DCC: variants seen among roughly 807,000 people sequenced by gnomAD.
The protein encoded by DCC is netrin receptor DCC.
Under a neutral mutation model 172.5 loss-of-function variants are expected in DCC, and 58 were observed. That is an observed-to-expected ratio of 0.34 (90% CI 0.27 to 0.42). The LOEUF (loss-of-function observed/expected upper bound fraction) is 0.42, where lower values mean the gene tolerates loss of function less well. Ranked by LOEUF, DCC falls within the 10% of genes least tolerant of loss-of-function variation. The probability of loss-of-function intolerance (pLI) is 1.00; values close to 1 mark genes in which losing one functional copy is unlikely to be tolerated. For missense variants in DCC, 1,740 were observed against 1,791.0 expected (o/e 0.97, Z 0.51); for synonymous variants, 709 against 644.5 (o/e 1.10, Z -1.52).
chr18:53,371,701 T>TGTTAACC (rs2058061548), intron 15 of DCC, among the ~76,000 whole-genome samples: 1 of 152,048 alleles, frequency 6.6e-6, no homozygotes, highest in South Asian at 2.1e-4. Context: ...TTCTATTGAA[T>TGTTAACC]GTTAACCCAA....
At chr18:53,245,855 G>C (rs962084333) in intron 12 of DCC, among the ~76,000 whole-genome samples, 1 of 151,940 alleles carries the variant, frequency 6.6e-6, no homozygotes, top group African/African-American at 2.4e-5. Flanking sequence ...AGTTTTACTT[G>C]TCAGGCTTTC....
At chr18:52,823,389 T>C (rs536381875) in intron 2 of DCC, among the ~76,000 whole-genome samples, 14 of 152,328 alleles carry the variant, frequency 9.2e-5, no homozygotes, top group African/African-American at 3.4e-4. Flanking sequence ...TTACTTCATA[T>C]GATGAAAAGA....
chr18:53,455,263 A>G (rs966797634), intron 23 of DCC, among the ~76,000 whole-genome samples: 1 of 152,232 alleles, frequency 6.6e-6, no homozygotes, highest in African/African-American at 2.4e-5. Flanking sequence ...TCTGCCTAAT[A>G]AAGTTGGGAA....
chr18:53,023,401 C>CAAAAAAAAAAAAAAAAAAA lies in DCC; in HGVS notation c.986-39894_986-39876dup, dbSNP rs869070422. On this transcript the variant is annotated intron_variant, in intron 5 of 28. Transcript: ENST00000442544. ...GGACAAACACATATATAACTCAGACCAAAAAAAAAAAAAAAAAAAAAAAAA... is the reference window on the plus strand; with the variant it reads ...GGACAAACACATATATAACTCAGACCAAAAAAAAAAAAAAAAAAAAAAAAAAAAAAAAAAAAAAAAAAAA... Among the ~76,000 whole-genome samples, 15 of 24,424 alleles carry CAAAAAAAAAAAAAAAAAAA rather than the reference C, an allele frequency of 6.1e-4. 1 individual carries two copies. The highest frequency in any genetic ancestry group is 2.0e-3 in the East Asian group (1 of 502). 16.0% of individuals were successfully genotyped at this position (24,424 alleles called of 152,430 possible).
At chr18:53,464,814 TAGTAAA>T (rs1023408887) in intron 24 of DCC, among the ~76,000 whole-genome samples, 3 of 151,692 alleles carry the variant, frequency 2.0e-5, no homozygotes, top group African/African-American at 7.2e-5. Flanking sequence ...AACCCCTCTC[TAGTAAA>T]AGTACAAAAT....
intron 27 of DCC, among the ~76,000 whole-genome samples, chr18:53,501,233 A>G (rs2046093917): frequency 6.6e-6 from 1 of 152,152 alleles, no homozygotes; most frequent in South Asian, 2.1e-4. Flanking sequence ...ATCTCATTTG[A>G]TCCTCTAAAC....
At chr18:52,836,939 A>G (rs917889332) in intron 2 of DCC, among the ~76,000 whole-genome samples, 7 of 152,200 alleles carry the variant, frequency 4.6e-5, no homozygotes, top group African/African-American at 1.7e-4. Flanking sequence ...GTCTCCATAT[A>G]TCTTCTGAAA....
intron 1 of DCC, among the ~76,000 whole-genome samples, chr18:52,632,623 C>A (rs945438637): frequency 6.6e-6 from 1 of 152,180 alleles, no homozygotes; most frequent in Admixed American, 6.5e-5. Flanking sequence ...TTGCTCTTTT[C>A]TCCTGTTATC....
intron 7 of DCC, among the ~76,000 whole-genome samples, chr18:53,124,810 A>G (rs1275357900): frequency 6.6e-6 from 1 of 152,046 alleles, no homozygotes; most frequent in African/African-American, 2.4e-5. Context: ...TACAAAAAAT[A>G]CAAAAATTAG....
intron 1 of DCC, among the ~76,000 whole-genome samples, chr18:52,402,194 G>A (rs1016131959): frequency 2.0e-5 from 3 of 151,862 alleles, no homozygotes; most frequent in African/African-American, 4.8e-5. Flanking sequence ...GATATTAATG[G>A]TATATATGAA....
chr18:52,785,498 C>T (rs1462994923), intron 2 of DCC, among the ~76,000 whole-genome samples: 6 of 151,992 alleles, frequency 3.9e-5, no homozygotes, highest in Non-Finnish European at 8.8e-5. Context: ...TGGATGACAA[C>T]TTTTTCTGGC....
intron 1 of DCC, among the ~76,000 whole-genome samples, chr18:52,344,720 T>C (rs1257549223): frequency 6.6e-6 from 1 of 152,220 alleles, no homozygotes; most frequent in Non-Finnish European, 1.5e-5. Flanking sequence ...AAGATTACAT[T>C]TTAAAGTAAG....
chr18:52,990,826 C>T (rs187099275), intron 5 of DCC, among the ~76,000 whole-genome samples: 1 of 152,120 alleles, frequency 6.6e-6, no homozygotes, highest in East Asian at 1.9e-4. Context: ...AGATTCATAG[C>T]AAAATATTAT....
chr18:52,473,997 A>G (rs778933951), intron 1 of DCC, among the ~76,000 whole-genome samples: 25 of 151,722 alleles, frequency 1.6e-4, no homozygotes, highest in Non-Finnish European at 3.2e-4. Context: ...CTTTTTTTTT[A>G]CTGCTCCTTC....
chr18:52,788,142 A>T (rs1244311428), intron 2 of DCC, among the ~76,000 whole-genome samples: 1 of 152,214 alleles, frequency 6.6e-6, no homozygotes, highest in Admixed American at 6.5e-5. Context: ...CAATCTTTTC[A>T]CAACTTAAAT....
chr18:53,219,052 G>A (rs16956378), intron 12 of DCC, among the ~76,000 whole-genome samples: 20,592 of 152,028 alleles, frequency 0.14, 2,256 homozygotes, highest in African/African-American at 0.3. Flanking sequence ...GAAAAGTCAC[G>A]TGTCTCAGTT....
At chr18:53,093,806 C>T (rs924519756) in intron 7 of DCC, among the ~76,000 whole-genome samples, 9 of 152,176 alleles carry the variant, frequency 5.9e-5, no homozygotes, top group African/African-American at 2.2e-4. Flanking sequence ...TAAAGAGCTT[C>T]ATCTATTAGG....
intron 5 of DCC, among the ~76,000 whole-genome samples, chr18:53,000,338 C>T (rs2041544657): frequency 6.6e-6 from 1 of 152,070 alleles, no homozygotes; most frequent in Non-Finnish European, 1.5e-5. Context: ...CAGCCCCCTT[C>T]ACATTATCCT....
chr18:52,478,630 G>A (rs1989164613), intron 1 of DCC, among the ~76,000 whole-genome samples: 1 of 152,206 alleles, frequency 6.6e-6, no homozygotes, highest in Non-Finnish European at 1.5e-5. Flanking sequence ...AGCTTCTGGG[G>A]AAGCCTCAGG....
Sources: gnomAD v4.1 joint callset for allele counts (sites outside exome capture counted in the v4.1 genomes callset) on GRCh38, gnomAD v4.1.1 for gene constraint, MANE v1.5 for transcripts, NCBI Gene and HGNC (gene_info 2026-07-23, HGNC 2026-07-21) for gene names.